The following GATAD2A variants were observed in gnomAD, a reference collection of about 807,000 sequenced individuals.
The protein encoded by GATAD2A is transcriptional repressor p66-alpha.
GATAD2A carries 12 observed loss-of-function variants against 68.5 expected under a neutral mutation model. That is an observed-to-expected ratio of 0.18 (90% CI 0.11 to 0.28). The LOEUF (loss-of-function observed/expected upper bound fraction) is 0.28. GATAD2A is among the 10% of genes least tolerant of loss of function. The pLI is 1.00. For synonymous variants in GATAD2A, 410 were observed against 375.3 expected, an observed-to-expected ratio of 1.09 and a Z score of -1.07; for missense variants, 755 against 868.5, an observed-to-expected ratio of 0.87 and a Z score of 1.64.
intron 1 of GATAD2A, among the ~76,000 whole-genome samples, chr19:19,460,770 T>C (rs1012034590): frequency 3.3e-5 from 5 of 152,190 alleles, no homozygotes; most frequent in African/African-American, 1.2e-4. Flanking sequence ...CCAGTGTAGC[T>C]GCACCATAGG....
chr19:19,499,477 C>G (rs563538067), intron 8 of GATAD2A, among the ~76,000 whole-genome samples: 2 of 151,666 alleles, frequency 1.3e-5, no homozygotes, highest in Admixed American at 1.3e-4. Context: ...GCCTCAGAGC[C>G]TTCCCAGCAC....
At chr19:19,481,800 TC>T (rs1474971167) in intron 2 of GATAD2A, among the ~76,000 whole-genome samples, 1 of 152,212 alleles carries the variant, frequency 6.6e-6, no homozygotes, top group African/African-American at 2.4e-5. Flanking sequence ...AAATAAAGGT[TC>T]ACTATTCCAA....
intron 1 of GATAD2A, among the ~76,000 whole-genome samples, chr19:19,430,594 G>C (rs2053613353): frequency 6.6e-6 from 1 of 152,204 alleles, no homozygotes; most frequent in Non-Finnish European, 1.5e-5. Flanking sequence ...GGTGACTACA[G>C]ATGGTGATAG....
intron 1 of GATAD2A, among the ~76,000 whole-genome samples, chr19:19,454,513 C>T (rs1357217768): frequency 1.3e-5 from 2 of 151,646 alleles, no homozygotes; most frequent in East Asian, 2.0e-4. Context: ...GTAGGAAGAT[C>T]GCTTGAACCT....
intron 2 of GATAD2A, among the ~76,000 whole-genome samples, chr19:19,490,444 C>T (rs1313780653): frequency 6.6e-6 from 1 of 152,124 alleles, no homozygotes; most frequent in African/African-American, 2.4e-5. Context: ...AGCGACTCTC[C>T]TCAACCCTGC....
chr19:19,505,324 G>T lies in GATAD2A; in HGVS notation c.1775-20G>T, dbSNP rs2060817290. On this transcript the variant is annotated intron_variant, in intron 11 of 11. Coordinates refer to ENST00000683918, the MANE Select transcript of GATAD2A (RefSeq NM_001384528.1). ...CTCCTGACGAGGGCCTTCTCAGCTGGTCGCTCTGTTCTGTTGCAGGCGGGA... is the reference window on the plus strand; with the variant it reads ...CTCCTGACGAGGGCCTTCTCAGCTGTTCGCTCTGTTCTGTTGCAGGCGGGA... 6.2e-7 allele frequency: 1 copy of T among 1,611,402 alleles called. No individual in the cohort carries two copies. The highest frequency in any genetic ancestry group is 8.5e-7 in the Non-Finnish European group (1 of 1,178,884).
chr19:19,429,605 G>A (rs1442328219), intron 1 of GATAD2A, among the ~76,000 whole-genome samples: 1 of 151,836 alleles, frequency 6.6e-6, no homozygotes, highest in African/African-American at 2.4e-5. Flanking sequence ...CATGCCTTAG[G>A]CTGCCGGCCT....
At chr19:19,473,461 G>A (rs1345890760) in intron 2 of GATAD2A, among the ~76,000 whole-genome samples, 2 of 152,160 alleles carry the variant, frequency 1.3e-5, no homozygotes, top group African/African-American at 2.4e-5. Context: ...TGGTGACACT[G>A]GTGTCCTTGA....
At chr19:19,471,704 A>G in intron 2 of GATAD2A, among the ~76,000 whole-genome samples, 1 of 152,236 alleles carries the variant, frequency 6.6e-6, no homozygotes, top group East Asian at 1.9e-4. Flanking sequence ...AAATAATTAA[A>G]TGAAGGTTAA....
At chr19:19,410,546 G>A (rs186016784) in intron 1 of GATAD2A, among the ~76,000 whole-genome samples, 1 of 152,354 alleles carries the variant, frequency 6.6e-6, no homozygotes, top group East Asian at 1.9e-4. Context: ...TGCGTGGCCT[G>A]CCTTGCCGGT....
In GATAD2A at chr19:19,505,607, C is replaced by T. The variant is rs2060834261; in HGVS notation, c.*133C>T. On this transcript the variant is annotated 3_prime_UTR_variant, in exon 12 of 12. Transcript: ENST00000683918. The stretch of plus-strand genomic sequence containing the variant: ...GCCCCAAGAGCAAGCACCGGCCATG[C>T]TGCAGAGGCAAGACCTCAATTCTTG... 1.3e-6 allele frequency: 1 copy of T among 777,016 alleles called. No homozygotes were observed. Among genetic ancestry groups the T allele is most frequent in the South Asian group, 2.0e-5 (1 of 48,914 alleles). The allele number at this position is 777,016 out of a possible 1,614,324, so 48.1% of individuals were successfully genotyped here. A position where few individuals can be genotyped will look rare whatever the true frequency, so the allele number is the denominator to read the frequency against.
intron 2 of GATAD2A, among the ~76,000 whole-genome samples, chr19:19,479,712 G>A (rs764243626): frequency 2.6e-5 from 4 of 151,940 alleles, no homozygotes; most frequent in East Asian, 1.9e-4. Context: ...ATGAACGATC[G>A]TTTTGGTGAG....
chr19:19,388,068 T>G (rs1306384126), intron 1 of GATAD2A, among the ~76,000 whole-genome samples: 1 of 151,888 alleles, frequency 6.6e-6, no homozygotes, highest in Admixed American at 6.6e-5. Flanking sequence ...CTTTTTTTTT[T>G]TTTTGGAGAT....
chr19:19,423,067 C>T (rs1482580621), intron 1 of GATAD2A, among the ~76,000 whole-genome samples: 2 of 152,276 alleles, frequency 1.3e-5, no homozygotes, highest in East Asian at 1.9e-4. Context: ...CGTGCAGTGG[C>T]ACAAAAATGG....
chr19:19,418,023 G>T (rs1479647709), intron 1 of GATAD2A, among the ~76,000 whole-genome samples: 1 of 152,192 alleles, frequency 6.6e-6, no homozygotes, highest in Non-Finnish European at 1.5e-5. Context: ...TAAAGGGCGG[G>T]CAGGAGCGGT....
intron 1 of GATAD2A, among the ~76,000 whole-genome samples, chr19:19,442,722 C>T (rs898517530): frequency 1.3e-5 from 2 of 150,502 alleles, no homozygotes; most frequent in African/African-American, 2.5e-5. Context: ...ATTGCCTGAG[C>T]TCAGGAGTTG....
intron 2 of GATAD2A, among the ~76,000 whole-genome samples, chr19:19,489,209 C>T: frequency 6.6e-6 from 1 of 152,218 alleles, no homozygotes; most frequent in East Asian, 1.9e-4. Context: ...GTGACTGGAG[C>T]CTGTGGTGCA....
At chr19:19,424,536 G>A (rs2052830249) in intron 1 of GATAD2A, among the ~76,000 whole-genome samples, 1 of 151,960 alleles carries the variant, frequency 6.6e-6, no homozygotes, top group African/African-American at 2.4e-5. Context: ...GACCTCCACT[G>A]AGTTTTTAAA....
chr19:19,507,747 T>C lies in GATAD2A; in HGVS notation c.*2273T>C, dbSNP rs1228499322. On this transcript the variant is annotated 3_prime_UTR_variant, in exon 12 of 12. Transcript: ENST00000683918. ...ATCAGGGACAACGTACATACTGTGA[T>C]GTAAACTTTTTTTTTTTCCCCCCAG... 8.0e-6 allele frequency: 1 copy of C among 124,402 alleles called. No individual in the cohort carries two copies. The highest frequency in any genetic ancestry group is 3.8e-5 in the African/African-American group (1 of 26,650). The allele number at this position is 124,402 out of a possible 1,614,324, so 7.7% of individuals were successfully genotyped here.
Sources: allele counts gnomAD v4.1 joint callset (sites outside exome capture counted in the v4.1 genomes callset), GRCh38; gene constraint gnomAD v4.1.1; transcripts MANE v1.5; gene names NCBI Gene and HGNC (gene_info 2026-07-23, HGNC 2026-07-21).